SENP5: variants seen among roughly 807,000 people sequenced by gnomAD.
SENP5 encodes the protein SUMO specific peptidase 5.
In SENP5, 21 loss-of-function variants were observed where a neutral mutation model predicts 74.2. The observed-to-expected ratio is 0.28, with a 90% CI of 0.20 to 0.41. The LOEUF is 0.41. Ranked by LOEUF, SENP5 falls within the 10% of genes least tolerant of loss-of-function variation. SENP5 has a pLI of 1.00. For missense variants in SENP5, 717 were observed against 889.1 expected (o/e 0.81, Z 2.46); for synonymous variants, 311 against 312.7 (o/e 0.99, Z 0.06).
intron 6 of SENP5, among the ~76,000 whole-genome samples, chr3:196,919,546 C>G (rs901637745): frequency 2.0e-5 from 3 of 152,136 alleles, no homozygotes; most frequent in African/African-American, 7.2e-5. Flanking sequence ...GTAATCCCAG[C>G]ATTTTGGGAG....
chr3:196,890,671 G>T (rs566688321), intron 2 of SENP5, among the ~76,000 whole-genome samples: 1 of 152,160 alleles, frequency 6.6e-6, no homozygotes, highest in African/African-American at 2.4e-5. Flanking sequence ...TTCTTGCTTC[G>T]CTTTAAAGTT....
intron 1 of SENP5, among the ~76,000 whole-genome samples, chr3:196,884,664 G>GTTTTT (rs199659730): frequency 6.6e-5 from 8 of 121,402 alleles, no homozygotes; most frequent in African/African-American, 1.1e-4. Flanking sequence ...ACAGAAATCA[G>GTTTTT]TTTTTTTTTG....
At chr3:196,878,449 C>T (rs1713575987) in intron 1 of SENP5, among the ~76,000 whole-genome samples, 1 of 152,140 alleles carries the variant, frequency 6.6e-6, no homozygotes, top group Non-Finnish European at 1.5e-5. Context: ...AATCTATATG[C>T]TGAAGGTAGA....
intron 1 of SENP5, among the ~76,000 whole-genome samples, chr3:196,868,704 A>G (rs1713057529): frequency 6.6e-6 from 1 of 152,250 alleles, no homozygotes; most frequent in South Asian, 2.1e-4. Flanking sequence ...ATCTCATGCT[A>G]GATAGACATT....
intron 2 of SENP5, among the ~76,000 whole-genome samples, chr3:196,887,371 G>T (rs1475634568): frequency 6.6e-6 from 1 of 151,760 alleles, no homozygotes; most frequent in East Asian, 1.9e-4. Context: ...GTAGAGATGG[G>T]GTTTCACCAT....
At chr3:196,906,819 C>A (rs1272551191) in intron 6 of SENP5, among the ~76,000 whole-genome samples, 3 of 152,130 alleles carry the variant, frequency 2.0e-5, no homozygotes, top group Non-Finnish European at 2.9e-5. Flanking sequence ...ACATTATCCA[C>A]TTTGTAGTCT....
At chr3:196,869,835 T>C (rs1385965152) in intron 1 of SENP5, among the ~76,000 whole-genome samples, 2 of 100,802 alleles carry the variant, frequency 2.0e-5, no homozygotes, top group Non-Finnish European at 3.5e-5. Flanking sequence ...TATTACTTTC[T>C]AAATCAGCCT....
intron 1 of SENP5, among the ~76,000 whole-genome samples, chr3:196,873,837 C>CAAAAA (rs1355868109): frequency 6.6e-6 from 1 of 151,882 alleles, no homozygotes; most frequent in Non-Finnish European, 1.5e-5. Context: ...GACTCCATCT[C>CAAAAA]AAAAAACAAA....
At chr3:196,870,548 T>C (rs1713169677) in intron 1 of SENP5, among the ~76,000 whole-genome samples, 1 of 152,048 alleles carries the variant, frequency 6.6e-6, no homozygotes, top group Non-Finnish European at 1.5e-5. Context: ...GAGACAGAGT[T>C]TCACTCTTGT....
intron 6 of SENP5, among the ~76,000 whole-genome samples, chr3:196,915,488 G>A (rs1001257871): frequency 2.0e-5 from 3 of 152,214 alleles, no homozygotes; most frequent in African/African-American, 7.2e-5. Context: ...TACTGGCCCT[G>A]AAGGGAAGGG....
In SENP5 at chr3:196,886,425, T is replaced by C; in HGVS notation, c.1244T>C (p.Val415Ala). 1 of 1,611,012 alleles carries C rather than the reference T, an allele frequency of 6.2e-7. No homozygotes were observed. The highest frequency in any genetic ancestry group is 8.5e-7 in the Non-Finnish European group (1 of 1,177,936). ...AGTGATGACAGAGTAAAACTGTCAGTGTCTGGAGCAGATACATCTGTGAGT... is the reference window on the plus strand; with the variant it reads ...AGTGATGACAGAGTAAAACTGTCAGCGTCTGGAGCAGATACATCTGTGAGT... Reference protein sequence around the residue: ...SVSDDRVKLSVSGADTSVSSV... With the variant: ...SVSDDRVKLSASGADTSVSSV... Residue 415 changes from valine to alanine, a missense_variant, in exon 2 of 10, where the codon GTG becomes GCG. Coordinates refer to ENST00000323460, the MANE Select transcript of SENP5 (RefSeq NM_152699.5).
chr3:196,892,608 C>A (rs1296534266), intron 2 of SENP5, among the ~76,000 whole-genome samples: 3 of 152,134 alleles, frequency 2.0e-5, no homozygotes, highest in Non-Finnish European at 2.9e-5. Flanking sequence ...TTTCAAGACA[C>A]AGTACATTAT....
At chr3:196,922,768 C>CGCACT (rs2108862468) in intron 6 of SENP5, among the ~76,000 whole-genome samples, 2 of 152,310 alleles carry the variant, frequency 1.3e-5, no homozygotes, top group East Asian at 3.9e-4. Context: ...ACTACCAGTG[C>CGCACT]ACACCACCAC....
chr3:196,899,680 G>T lies in SENP5; in HGVS notation c.1528G>T (p.Val510Phe), dbSNP rs143164144. Residue 510 changes from valine (V) to phenylalanine (F), a missense_variant, in exon 3 of 10, where the codon GTT becomes TTT. Physicochemically the swap from Val to Phe is conservative, Grantham distance 50. Coordinates refer to ENST00000323460, the MANE Select transcript of SENP5 (RefSeq NM_152699.5). ...SVCLSGFLDE[V>F]MKKYGSLVPL... is the part of the protein sequence containing the mutation. The stretch of plus-strand genomic sequence containing the variant: ...CTTTATTTAAGGATTCCTAGATGAG[G>T]TTATGAAGAAGTATGGCAGTTTGGT... 3 of 1,604,410 alleles carry T rather than the reference G, an allele frequency of 1.9e-6. No homozygotes were observed. The highest frequency in any genetic ancestry group is 1.7e-4 in the Middle Eastern group (1 of 6,036).
chr3:196,924,311 C>T (rs1715732447), intron 7 of SENP5, among the ~76,000 whole-genome samples: 1 of 152,140 alleles, frequency 6.6e-6, no homozygotes, highest in Admixed American at 6.5e-5. Flanking sequence ...GGACAAGCAA[C>T]AGACTTGGAG....
intron 6 of SENP5, among the ~76,000 whole-genome samples, chr3:196,918,508 A>G (rs543108007): frequency 1.3e-5 from 2 of 151,986 alleles, no homozygotes; most frequent in Middle Eastern, 3.4e-3. Context: ...TCAAAACAAA[A>G]AATCTACAAC....
Position 196,931,786 on chromosome 3 carries a change from G to T in SENP5, c.*863G>T. 1 of 322,934 alleles carries T rather than the reference G, an allele frequency of 3.1e-6. No homozygotes were observed. 20.0% of individuals were successfully genotyped at this position (322,934 alleles called of 1,614,324 possible). A position where few individuals can be genotyped will look rare whatever the true frequency, so the allele number is the denominator to read the frequency against. On this transcript the variant is annotated 3_prime_UTR_variant, in exon 10 of 10. Coordinates refer to ENST00000323460, the MANE Select transcript of SENP5 (RefSeq NM_152699.5). ...CAGCTGTTCTCAGAGTAATTTTTAAGTTGTCATTTCCCTGTGTTGCCTCCC... is the reference window on the plus strand; with the variant it reads ...CAGCTGTTCTCAGAGTAATTTTTAATTTGTCATTTCCCTGTGTTGCCTCCC...
chr3:196,899,312 C>CT (rs1228563798), intron 2 of SENP5, among the ~76,000 whole-genome samples: 1 of 152,108 alleles, frequency 6.6e-6, no homozygotes, highest in Non-Finnish European at 1.5e-5. Context: ...GCACATTTGA[C>CT]TATGTGATTA....
intron 6 of SENP5, chr3:196,913,396 C>G (rs1715216509): frequency 6.6e-6 from 1 of 151,740 alleles, no homozygotes; most frequent in Admixed American, 6.6e-5. Context: ...AGTGAAACCT[C>G]TTTTCTACTA....
Sources: gnomAD v4.1 joint callset for allele counts (sites outside exome capture counted in the v4.1 genomes callset) on GRCh38, gnomAD v4.1.1 for gene constraint, MANE v1.5 for transcripts, NCBI Gene and HGNC (gene_info 2026-07-23, HGNC 2026-07-21) for gene names.